Variants in NECAB3 observed in about 807,000 individuals in gnomAD.
NECAB3 encodes the protein N-terminal EF-hand calcium-binding protein 3.
NECAB3 carries 38 observed loss-of-function variants against 57.2 expected under a neutral mutation model. The ratio of observed to expected loss-of-function variants is 0.66; its 90% CI spans 0.51 to 0.87. NECAB3 has a LOEUF of 0.87. Ranked by LOEUF, NECAB3 falls within the 40% of genes least tolerant of loss-of-function variation. The pLI, the probability that NECAB3 is intolerant of heterozygous loss-of-function variation, is 0.00. For missense variants in NECAB3, 474 were observed against 527.5 expected (o/e 0.90, Z 0.99); for synonymous variants, 223 against 222.6 (o/e 1.00, Z -0.02).
chr20:33,674,527 C>CGCCGCGGGCCTCCGCGCT, upstream of NECAB3: 1 of 532,498 alleles, frequency 1.9e-6, no homozygotes, highest in Non-Finnish European at 2.4e-6. Context: ...CCAACTCCAG[C>CGCCGCGGGCCTCCGCGCT]GCCGCGGGCC....
chr20:33,657,946 G>A lies in NECAB3; in HGVS notation c.1158C>T (p.Phe386=). 3 of 1,556,516 alleles carry A rather than the reference G, an allele frequency of 1.9e-6. No individual in the cohort carries two copies. Among genetic ancestry groups the A allele is most frequent in the African/African-American group, 1.4e-5 (1 of 73,368 alleles). The change falls in exon 11 of 12, where the codon TTC becomes TTT. Residue 386 remains phenylalanine, a synonymous_variant. Transcript: ENST00000246190. Reference sequence around the variant, plus strand: ...GAGTGGGGGTCCACCGCATACCTGGGAAGAACACAGTGGTGAGGGTGTCCG... The same window carrying A: ...GAGTGGGGGTCCACCGCATACCTGGAAAGAACACAGTGGTGAGGGTGTCCG... ...RAPDTLTTVF[F]PASWWIMNNN
intron 5 of NECAB3, chr20:33,667,650 C>G (rs1488400469): frequency 6.2e-7 from 1 of 1,609,274 alleles, no homozygotes. Flanking sequence ...CAGGCAGCAC[C>G]CTGTCGCGCT....
chr20:33,669,406 G>T lies in NECAB3; in HGVS notation c.356C>A (p.Ala119Glu). Residue 119 changes from alanine (A) to glutamate (E), a missense_variant, in exon 5 of 12, where the codon GCA (alanine) becomes GAA (glutamate). Physicochemically the swap from Ala to Glu is moderately radical, Grantham distance 107 (BLOSUM62 -1). Coordinates refer to ENST00000246190, the MANE Select transcript of NECAB3 (RefSeq NM_031232.4). Reference protein sequence around the residue: ...VLAALESLNRAVLAAMDATKL... With the variant: ...VLAALESLNREVLAAMDATKL... ...GGTGGCATCCATGGCAGCGAGCACT[G>T]CACGGTTCAGCGATTCCAATGCAGC... 6.2e-7 allele frequency: 1 copy of T among 1,613,582 alleles called. No homozygotes were observed. Among genetic ancestry groups the T allele is most frequent in the Middle Eastern group, 1.7e-4 (1 of 6,060 alleles).
intron 5 of NECAB3, chr20:33,662,656 G>A (rs1466514406): frequency 5.8e-6 from 4 of 690,960 alleles, no homozygotes; most frequent in Non-Finnish European, 9.4e-6. Flanking sequence ...GTGTGGATGG[G>A]GGTCCTTTCA....
chr20:33,662,223 G>A lies in NECAB3; in HGVS notation c.388-1828C>T, dbSNP rs1601156726. 8.2e-6 allele frequency: 11 copies of A among 1,334,826 alleles called. No individual in the cohort carries two copies. The East Asian group carries it at 2.8e-4, about 34-fold the overall frequency. The allele number at this position is 1,334,826 out of a possible 1,614,324, so 82.7% of individuals were successfully genotyped here. ...GAGCCCAGATTCACCTGTGGGCCCT[G>A]GAAGGCGGTGCTCAGAGCCTGCAAT... is the stretch of plus-strand genomic sequence containing the variant. On this transcript the variant is annotated intron_variant, in intron 5 of 11. Transcript: ENST00000246190.
At chr20:33,672,511 G>C (rs984144227) in intron 1 of NECAB3, 89 bp from the exon 2 acceptor site, 1 of 1,516,804 alleles carries the variant, frequency 6.6e-7, no homozygotes. Context: ...CCAGCTGGCC[G>C]ACCTACCCCC....
In NECAB3 at chr20:33,672,388, C is replaced by T; in HGVS notation, c.154+10G>A. 1 of 1,614,146 alleles carries T rather than the reference C, an allele frequency of 6.2e-7. No individual in the cohort carries two copies. The highest frequency in any genetic ancestry group is 8.5e-7 in the Non-Finnish European group (1 of 1,179,982). On this transcript the variant is annotated intron_variant, in intron 2 of 11. Transcript: ENST00000246190. ...GCCCCACTGTGGGACCCAGGGGAAG[C>T]CACACTCACCATTCTTGTCTGCTCT...
At chr20:33,672,486 C>G (rs1309389319) in intron 1 of NECAB3, 64 bp from the exon 2 acceptor site, 2 of 1,601,776 alleles carry the variant, frequency 1.2e-6, no homozygotes, top group Non-Finnish European at 1.7e-6. Context: ...GGCCCCCACT[C>G]AACCCGACAG....
rs2017849744 is a variant in NECAB3 at position 33,672,531 on chromosome 20, T to C, written c.130-109A>G. 4.5e-6 allele frequency: 6 copies of C among 1,339,028 alleles called. No individual in the cohort carries two copies. The South Asian group carries it at 4.7e-5, about 11-fold the overall frequency. 82.9% of individuals were successfully genotyped at this position (1,339,028 alleles called of 1,614,324 possible). ...TGGCCGACCTACCCCCTGCCTCGCC[T>C]TTCCTCCCGCCCAGCCTGGTCCCAA... is the stretch of plus-strand genomic sequence containing the variant. On this transcript the variant is annotated intron_variant, in intron 1 of 11. Transcript: ENST00000246190.
Position 33,657,864 on chromosome 20 carries a change from G to T in NECAB3, c.1163-7C>A. 6.5e-7 allele frequency: 1 copy of T among 1,544,498 alleles called. No individual in the cohort carries two copies. The highest frequency in any genetic ancestry group is 1.2e-5 in the South Asian group (1 of 83,314). ...TTCATTATCCACCAGGAGGCTGGGGGTCAGAGGCAGGGGGTCAGGAGCCCT... is the reference window on the plus strand; with the variant it reads ...TTCATTATCCACCAGGAGGCTGGGGTTCAGAGGCAGGGGGTCAGGAGCCCT... On this transcript the variant is annotated splice_polypyrimidine_tract_variant and splice_region_variant and intron_variant, in intron 11 of 11. Coordinates refer to ENST00000246190, the MANE Select transcript of NECAB3 (RefSeq NM_031232.4).
intron 5 of NECAB3, chr20:33,662,628 T>G (rs1020802266): frequency 1.1e-6 from 1 of 876,998 alleles, no homozygotes; most frequent in Non-Finnish European, 1.7e-6. Context: ...AGGATGAGGA[T>G]CCCAGGAGCC....
chr20:33,668,585 A>C, intron 5 of NECAB3: 1 of 227,502 alleles, frequency 4.4e-6, no homozygotes, highest in Non-Finnish European at 8.9e-6. Flanking sequence ...ATCCGATGCC[A>C]GGCCCCAAGG....
chr20:33,671,547 C>T (rs553218803), intron 2 of NECAB3, among the ~76,000 whole-genome samples: 2 of 152,148 alleles, frequency 1.3e-5, no homozygotes, highest in East Asian at 3.9e-4. Context: ...GACAGGACCC[C>T]GTCTCTAGGA....
chr20:33,674,428 G>A lies in NECAB3; in HGVS notation c.-76C>T, dbSNP rs1601181718. The A allele has an allele frequency of 4.6e-6, 5 of 1,081,620 alleles. No individual in the cohort carries two copies. The highest frequency in any genetic ancestry group is 4.4e-5 in the South Asian group (1 of 22,678). 67.0% of individuals were successfully genotyped at this position (1,081,620 alleles called of 1,614,324 possible). ...CCGCGGCGGACTCGGTGTGGCTAGA[G>A]GCCGCCCCTTGGCGCCGGCGCCGAC... On this transcript the variant is annotated 5_prime_UTR_variant, in exon 1 of 12. Coordinates refer to ENST00000246190, the MANE Select transcript of NECAB3 (RefSeq NM_031232.4).
At position 33,670,754 on chromosome 20, in the gene NECAB3, A is replaced by C. The variant is rs1162184909; in HGVS notation, c.193T>G (p.Phe65Val). The change falls in exon 3 of 12, where the codon TTT (phenylalanine) becomes GTT (valine). Residue 65 changes from phenylalanine (F) to valine (V), a missense_variant. Coordinates refer to ENST00000246190, the MANE Select transcript of NECAB3 (RefSeq NM_031232.4). ...KLSFEEFQNY[F>V]ADGVLSLGEL... The stretch of plus-strand genomic sequence containing the variant: ...CCCAGGCTGAGAACCCCATCGGCAA[A>C]GTAATTCTGGAATTCCTCAAATGAG... 6.2e-7 allele frequency: 1 copy of C among 1,614,038 alleles called. No homozygotes were observed. The highest frequency in any genetic ancestry group is 1.7e-5 in the Admixed American group (1 of 60,010).
At position 33,669,720 on chromosome 20, in the gene NECAB3, G is replaced by T. The variant is rs1293325095; in HGVS notation, c.264-8C>A. 1 of 1,591,552 alleles carries T rather than the reference G, an allele frequency of 6.3e-7. No individual in the cohort carries two copies. Among genetic ancestry groups the T allele is most frequent in the East Asian group, 2.3e-5 (1 of 44,244 alleles). ...TTTTCTGTTTCTAAATTGCTGCAGGGAAAAGAGAAGGCGCCCTTCAGACCT... is the reference window on the plus strand; with the variant it reads ...TTTTCTGTTTCTAAATTGCTGCAGGTAAAAGAGAAGGCGCCCTTCAGACCT... On this transcript the variant is annotated splice_polypyrimidine_tract_variant and splice_region_variant and intron_variant, in intron 3 of 11. Transcript: ENST00000246190.
chr20:33,657,565 G>C lies in NECAB3; in HGVS notation c.*264C>G, dbSNP rs749915990. On this transcript the variant is annotated 3_prime_UTR_variant, in exon 12 of 12. Coordinates refer to ENST00000246190, the MANE Select transcript of NECAB3 (RefSeq NM_031232.4). ...CGCTCAGCCAGGCAGGGACAGCAGG[G>C]ACCAGAATCCAGGTCTCCTGAGCCA... 6.0e-5 allele frequency: 26 copies of C among 435,206 alleles called. No individual in the cohort carries two copies. The highest frequency in any genetic ancestry group is 1.0e-4 in the Non-Finnish European group (26 of 251,336). 27.0% of individuals were successfully genotyped at this position (435,206 alleles called of 1,614,324 possible).
At position 33,660,345 on chromosome 20, in the gene NECAB3, C is replaced by T. The variant is rs561464076; in HGVS notation, c.438G>A (p.Leu146=). The change falls in exon 6 of 12, where the codon CTG becomes CTA. Residue 146 remains leucine (L), a synonymous_variant. Coordinates refer to ENST00000246190, the MANE Select transcript of NECAB3 (RefSeq NM_031232.4). The surrounding 1 kb of genome is among the most constrained non-coding windows in gnomAD (Gnocchi z 4.1). ...CTTGCAGCTGGCTCACCGTCTCCCGCAGCAGGAAGCGCGTCACAAACTGGT... is the reference window on the plus strand; with the variant it reads ...CTTGCAGCTGGCTCACCGTCTCCCGTAGCAGGAAGCGCGTCACAAACTGGT... The part of the protein sequence containing the change: ...KVDQFVTRFL[L]RETVSQLQAL... The T allele has an allele frequency of 5.1e-5, 83 of 1,613,630 alleles. 1 individual carries two copies. In the East Asian group the frequency reaches 9.8e-4, roughly 19 times the overall value.
chr20:33,667,171 A>T, intron 5 of NECAB3: 2 of 244,258 alleles, frequency 8.2e-6, no homozygotes, highest in Non-Finnish European at 1.6e-5. Context: ...CTCGGGCTTC[A>T]CCAAGGCGGG....
Sources: allele counts gnomAD v4.1 joint callset (sites outside exome capture counted in the v4.1 genomes callset), GRCh38; gene constraint gnomAD v4.1.1; non-coding constraint Gnocchi (gnomAD v3.1); transcripts MANE v1.5; gene names NCBI Gene and HGNC (gene_info 2026-07-23, HGNC 2026-07-21).